The following PCDHA11 variants were observed in gnomAD, a reference collection of about 807,000 sequenced individuals.
PCDHA11 encodes protocadherin alpha 11.
PCDHA11 carries 61 observed loss-of-function variants against 70.3 expected under a neutral mutation model. That is an observed-to-expected ratio of 0.87 (90% CI 0.71 to 1.07). The LOEUF (loss-of-function observed/expected upper bound fraction) is 1.07, where lower values mean the gene tolerates loss of function less well. Among genes scored for constraint, PCDHA11 ranks in the 50% least tolerant of loss-of-function variants. PCDHA11 has a pLI of 0.00. For synonymous variants in PCDHA11, 633 were observed against 555.1 expected (o/e 1.14, Z -1.97); for missense variants, 1,324 against 1,237.5 (o/e 1.07, Z -1.05).
intron 1 of PCDHA11, among the ~76,000 whole-genome samples, chr5:140,955,342 C>T (rs981239160): frequency 1.3e-5 from 2 of 152,130 alleles, no homozygotes; most frequent in Admixed American, 6.6e-5. Context: ...ATAATCCCCA[C>T]ATGTTGTGAG....
At chr5:140,871,940 T>C (rs1554165964) in intron 1 of PCDHA11, among the ~76,000 whole-genome samples, 1 of 152,226 alleles carries the variant, frequency 6.6e-6, no homozygotes, top group Non-Finnish European at 1.5e-5. Flanking sequence ...TCAACTGGCT[T>C]TGTTTTTCTA....
At chr5:140,907,752 T>C (rs1255877387) in intron 1 of PCDHA11, among the ~76,000 whole-genome samples, 5 of 152,190 alleles carry the variant, frequency 3.3e-5, no homozygotes, top group African/African-American at 1.2e-4. Flanking sequence ...ACTTTGTTCA[T>C]GGGCCCATTG....
At chr5:140,898,706 G>T (rs1554188200) in intron 1 of PCDHA11, among the ~76,000 whole-genome samples, 1 of 152,170 alleles carries the variant, frequency 6.6e-6, no homozygotes, top group Admixed American at 6.5e-5. Context: ...CTTTAAAGTA[G>T]TTTTTTCCAA....
intron 1 of PCDHA11, among the ~76,000 whole-genome samples, chr5:140,920,617 G>A (rs569983611): frequency 9.7e-4 from 148 of 152,170 alleles, no homozygotes; most frequent in African/African-American, 2.6e-3. Context: ...AGGCCGAGGC[G>A]GATGGATCAC....
intron 1 of PCDHA11, among the ~76,000 whole-genome samples, chr5:140,922,046 A>C (rs1388720677): frequency 6.6e-6 from 1 of 152,150 alleles, no homozygotes; most frequent in Non-Finnish European, 1.5e-5. Flanking sequence ...TTTCCCACAT[A>C]CCTTCAAAAT....
intron 1 of PCDHA11, chr5:140,928,354 A>G: frequency 6.2e-7 from 1 of 1,614,150 alleles, no homozygotes; most frequent in Non-Finnish European, 8.5e-7. Flanking sequence ...GTTGGATGTT[A>G]TCTCTGAAGG....
chr5:140,874,111 G>T (rs977519429), intron 1 of PCDHA11, among the ~76,000 whole-genome samples: 2 of 152,056 alleles, frequency 1.3e-5, no homozygotes, highest in Non-Finnish European at 2.9e-5. Flanking sequence ...ATTACTTAAC[G>T]TTTTATAGTT....
chr5:140,875,388 G>A, intron 1 of PCDHA11: 5 of 1,468,696 alleles, frequency 3.4e-6, no homozygotes, highest in Non-Finnish European at 4.5e-6. Flanking sequence ...TGTACTTACA[G>A]AAAAGGGTGA....
chr5:140,899,468 G>C (rs1243330987), intron 1 of PCDHA11, among the ~76,000 whole-genome samples: 2 of 152,080 alleles, frequency 1.3e-5, no homozygotes, highest in African/African-American at 4.8e-5. Context: ...TTTGTCTTTG[G>C]TTCTGTTTAT....
chr5:140,875,610 C>T (rs1266412721), intron 1 of PCDHA11: 6 of 1,613,716 alleles, frequency 3.7e-6, no homozygotes, highest in African/African-American at 1.3e-5. Flanking sequence ...CCTTCGTGGG[C>T]CGCATCGCTC....
In PCDHA11 at chr5:140,871,305, G is replaced by C. The variant is rs782666863; in HGVS notation, c.2202G>C (p.Gly734=). 2 of 1,613,874 alleles carry C rather than the reference G, an allele frequency of 1.2e-6. No individual in the cohort carries two copies. The highest frequency in any genetic ancestry group is 4.5e-5 in the East Asian group (2 of 44,896). ...ATPTEGACAP[G]KPTLVCSRAV... is the part of the protein sequence containing the mutation. ...CCACTGAGGGCGCGTGCGCGCCGGG[G>C]AAGCCCACGCTGGTGTGCTCCCGCG... The change falls in exon 1 of 4, where the codon GGG becomes GGC. Residue 734 remains glycine (G), a synonymous_variant. Coordinates refer to ENST00000398640, the MANE Select transcript of PCDHA11 (RefSeq NM_018902.5).
At chr5:140,900,032 A>G (rs1439772684) in intron 1 of PCDHA11, among the ~76,000 whole-genome samples, 1 of 151,930 alleles carries the variant, frequency 6.6e-6, no homozygotes, top group Non-Finnish European at 1.5e-5. Context: ...TTGGCCTTGA[A>G]TTCCTGGGCT....
chr5:140,981,504 G>A (rs1435264364), intron 2 of PCDHA11, among the ~76,000 whole-genome samples: 1 of 152,182 alleles, frequency 6.6e-6, no homozygotes, highest in African/African-American at 2.4e-5. Flanking sequence ...AACCTGGGAG[G>A]CAGAGGTTGC....
chr5:140,994,519 A>G (rs1378534275), intron 3 of PCDHA11, among the ~76,000 whole-genome samples: 2 of 148,690 alleles, frequency 1.3e-5, no homozygotes, highest in Non-Finnish European at 3.0e-5. Context: ...CCTGGGCAAC[A>G]TGGCAAAACC....
At position 140,871,123 on chromosome 5, in the gene PCDHA11, G is replaced by A. The variant is rs782312325; in HGVS notation, c.2020G>A (p.Ala674Thr). Residue 674 changes from alanine (A) to threonine (T), a missense_variant, in exon 1 of 4, where the codon GCG becomes ACG. Transcript: ENST00000398640. ...VLVSLVESGQ[A>T]PKASSRTLAG... is the part of the protein sequence containing the mutation. ...GGTGTCGTTGGTGGAGAGCGGACAG[G>A]CGCCAAAGGCCTCTTCCCGGACTTT... 3.2e-5 allele frequency: 51 copies of A among 1,613,216 alleles called. No individual in the cohort carries two copies. The highest frequency in any genetic ancestry group is 1.3e-5 in the African/African-American group (1 of 74,944).
At chr5:140,928,309 G>A (rs1554205732) in intron 1 of PCDHA11, 1 of 1,614,122 alleles carries the variant, frequency 6.2e-7, no homozygotes, top group Non-Finnish European at 8.5e-7. Context: ...CCAGGACCCC[G>A]ACCTGGGGAA....
Position 141,010,074 on chromosome 5 carries a change from G to C in PCDHA11, c.*137G>C. 6.2e-7 allele frequency: 1 copy of C among 1,607,844 alleles called. No homozygotes were observed. Among genetic ancestry groups the C allele is most frequent in the Non-Finnish European group, 8.5e-7 (1 of 1,176,754 alleles). On this transcript the variant is annotated 3_prime_UTR_variant, in exon 4 of 4. Transcript: ENST00000398640. ...CTCAGAAATCTGCAGAAAGTTCCCT[G>C]TGTCTGTCTAGAACGCATTTAACAG...
chr5:140,978,890 A>G (rs2096827624), intron 1 of PCDHA11, 59 bp from the exon 2 acceptor site: 1 of 1,612,616 alleles, frequency 6.2e-7, no homozygotes. Context: ...AATTAGCAGC[A>G]TTCCTGGGAG....
intron 1 of PCDHA11, among the ~76,000 whole-genome samples, chr5:140,894,286 A>T (rs2064400911): frequency 6.6e-6 from 1 of 151,788 alleles, no homozygotes; most frequent in African/African-American, 2.4e-5. Flanking sequence ...GTATTTTTGA[A>T]GTTTATTTTC....
Sources: allele counts gnomAD v4.1 joint callset (sites outside exome capture counted in the v4.1 genomes callset), GRCh38; gene constraint gnomAD v4.1.1; transcripts MANE v1.5; gene names NCBI Gene and HGNC (gene_info 2026-07-23, HGNC 2026-07-21).